Variants in PRKN observed in about 807,000 individuals in gnomAD.
The protein encoded by PRKN is parkin RBR E3 ubiquitin protein ligase.
Under a neutral mutation model 59.5 loss-of-function variants are expected in PRKN, and 56 were observed. The observed-to-expected ratio is 0.94, with a 90% confidence interval of 0.76 to 1.18. The LOEUF (loss-of-function observed/expected upper bound fraction) is 1.18. Ranked by LOEUF, PRKN falls within the 50% of genes most tolerant of loss-of-function variation. The pLI is 0.00. For synonymous variants in PRKN, 250 were observed against 222.1 expected (o/e 1.13, Z -1.12); for missense variants, 657 against 596.4 (o/e 1.10, Z -1.06).
In PRKN at chr6:161,419,944, A is replaced by G. The variant is rs1788013833; in HGVS notation, c.1084-33067T>C. On this transcript the variant is annotated intron_variant, in intron 9 of 11. Coordinates refer to ENST00000366898, the MANE Select transcript of PRKN (RefSeq NM_004562.3). This position sits in a 1 kb window ranked among gnomAD's most constrained non-coding sequence, Gnocchi z 4.1. ...CCTGGCACGTAAAAGGCACTTGTTT[A>G]AGAACTTGATAAGGCTGGGCGTGGT... Among the ~76,000 whole-genome samples the G allele has an allele frequency of 6.6e-6, 1 of 152,046 alleles. No individual in the cohort carries two copies. The highest frequency in any genetic ancestry group is 2.1e-4 in the South Asian group (1 of 4,824).
intron 6 of PRKN, among the ~76,000 whole-genome samples, chr6:161,870,292 A>G (rs948202111): frequency 6.6e-6 from 1 of 152,156 alleles, no homozygotes; most frequent in East Asian, 1.9e-4. Flanking sequence ...AGCTCAGCAC[A>G]TACTCTATTA....
At chr6:162,377,652 T>C (rs941897381) in intron 2 of PRKN, among the ~76,000 whole-genome samples, 2 of 152,132 alleles carry the variant, frequency 1.3e-5, no homozygotes, top group Admixed American at 1.3e-4. Context: ...GCCATGGCCA[T>C]GGAAAGACTG....
At position 161,475,579 on chromosome 6, in the gene PRKN, C is replaced by A. The variant is rs557644157; in HGVS notation, c.1083+73275G>T. Among the ~76,000 whole-genome samples the A allele has an allele frequency of 1.3e-5, 2 of 152,094 alleles. No homozygotes were observed. The highest frequency in any genetic ancestry group is 4.8e-5 in the African/African-American group (2 of 41,416). ...AGTGCCGCGGTGCAATACAACTTGC[C>A]GCAGTCTTGACCTCCTGGGCTCAAG... On this transcript the variant is annotated intron_variant, in intron 9 of 11. Coordinates refer to ENST00000366898, the MANE Select transcript of PRKN (RefSeq NM_004562.3). The surrounding 1 kb of genome is among the most constrained non-coding windows in gnomAD (Gnocchi z 5.3).
intron 9 of PRKN, among the ~76,000 whole-genome samples, chr6:161,531,163 C>T (rs569310013): frequency 1.8e-4 from 27 of 151,968 alleles, no homozygotes; most frequent in Middle Eastern, 3.4e-3. Context: ...GGGCAGATCA[C>T]GAGGTCAGGA....
chr6:162,252,750 T>C (rs978490313), intron 3 of PRKN, among the ~76,000 whole-genome samples: 2 of 152,248 alleles, frequency 1.3e-5, no homozygotes, highest in Non-Finnish European at 2.9e-5. Context: ...AAGAAATAAA[T>C]ATCTGTTGCT....
chr6:162,581,587 C>T (rs1358320754), intron 1 of PRKN, among the ~76,000 whole-genome samples: 1 of 152,182 alleles, frequency 6.6e-6, no homozygotes, highest in African/African-American at 2.4e-5. Context: ...ATGGCAAAAT[C>T]CCGTCTCTAC....
At chr6:161,892,258 A>C (rs976013780) in intron 6 of PRKN, among the ~76,000 whole-genome samples, 4 of 151,858 alleles carry the variant, frequency 2.6e-5, no homozygotes, top group African/African-American at 9.7e-5. Flanking sequence ...AATGTGGTAA[A>C]ACCCTGCCTC....
chr6:162,126,043 G>C (rs1781110653), intron 4 of PRKN, among the ~76,000 whole-genome samples: 1 of 152,148 alleles, frequency 6.6e-6, no homozygotes, highest in Admixed American at 6.5e-5. Flanking sequence ...ATGTCTAACA[G>C]ATCAACTCCA....
chr6:162,060,694 T>C (rs1325358218), intron 4 of PRKN, among the ~76,000 whole-genome samples: 1 of 152,226 alleles, frequency 6.6e-6, no homozygotes, highest in Non-Finnish European at 1.5e-5. Context: ...TCTTGAGTTA[T>C]CTAAATAAAT....
intron 5 of PRKN, among the ~76,000 whole-genome samples, chr6:161,987,053 C>T (rs373060242): frequency 1.1e-4 from 17 of 152,234 alleles, no homozygotes; most frequent in African/African-American, 3.6e-4. Flanking sequence ...TCTTTTTATT[C>T]GTGTCTTCTT....
intron 1 of PRKN, among the ~76,000 whole-genome samples, chr6:162,580,790 G>A (rs73595906): frequency 0.021 from 3,127 of 152,244 alleles, 107 homozygotes; most frequent in African/African-American, 0.07. Flanking sequence ...GTTCTCAGCA[G>A]GCTGATCAAT....
chr6:161,943,859 AAGCAGCCTGAGG>A (rs1562407195), intron 6 of PRKN, among the ~76,000 whole-genome samples: 1 of 47,548 alleles, frequency 2.1e-5, no homozygotes, highest in Non-Finnish European at 4.9e-5. Context: ...CAGCCTGAGG[AAGCAGCCTGAGG>A]AAGCAGCCTG....
At chr6:162,055,856 G>C (rs907051246) in intron 4 of PRKN, among the ~76,000 whole-genome samples, 4 of 152,044 alleles carry the variant, frequency 2.6e-5, no homozygotes, top group Non-Finnish European at 5.9e-5. Context: ...AATGCCGTGG[G>C]AGGTGGGCAG....
rs749732059 is a variant in PRKN at position 161,476,266 on chromosome 6, T to TCTAGTAC, written c.1083+72587_1083+72588insGTACTAG. On this transcript the variant is annotated intron_variant, in intron 9 of 11. Transcript: ENST00000366898. Reference sequence around the variant, plus strand: ...AAATGGATCTCTAGTACAAAATGGCTAAAACTCTTTCCCAGGAGTGTGAGA... The same window carrying TCTAGTAC: ...AAATGGATCTCTAGTACAAAATGGCTCTAGTACAAAACTCTTTCCCAGGAGTGTGAGA... Among the ~76,000 whole-genome samples the TCTAGTAC allele has an allele frequency of 5.1e-3, 783 of 152,136 alleles. 3 individuals are homozygous for TCTAGTAC. Among genetic ancestry groups the TCTAGTAC allele is most frequent in the Non-Finnish European group, 6.4e-3 (435 of 68,004 alleles).
At chr6:161,834,485 A>G (rs954338082) in intron 6 of PRKN, among the ~76,000 whole-genome samples, 6 of 152,206 alleles carry the variant, frequency 3.9e-5, no homozygotes, top group Non-Finnish European at 7.3e-5. Context: ...GTTCTTATCC[A>G]TAACTTGTTT....
chr6:161,973,043 A>G (rs188506655), intron 6 of PRKN, among the ~76,000 whole-genome samples: 16 of 152,348 alleles, frequency 1.1e-4, no homozygotes, highest in Admixed American at 2.0e-4. Flanking sequence ...TATTTTAGAT[A>G]TGCCATCTCC....
intron 6 of PRKN, among the ~76,000 whole-genome samples, chr6:161,794,732 C>G (rs1790769488): frequency 6.6e-6 from 1 of 152,180 alleles, no homozygotes; most frequent in Non-Finnish European, 1.5e-5. Context: ...GACTCCTCCT[C>G]TTAGTCCTTA....
chr6:162,419,912 A>G (rs546164376), intron 2 of PRKN, among the ~76,000 whole-genome samples: 2 of 152,200 alleles, frequency 1.3e-5, no homozygotes, highest in Non-Finnish European at 2.9e-5. Context: ...CTGATTTGGG[A>G]AAATTTTAGA....
At position 161,882,730 on chromosome 6, in the gene PRKN, G is replaced by A. The variant is rs183754935; in HGVS notation, c.734+90572C>T. Among the ~76,000 whole-genome samples, 5 of 152,264 alleles carry A rather than the reference G, an allele frequency of 3.3e-5. No homozygotes were observed. In the East Asian group the frequency reaches 9.6e-4, roughly 29 times the overall value. ...TTAAGATACAACTCCACGGCTGGGC[G>A]CGGTGGCTCACGCTTGTAATCCCAG... On this transcript the variant is annotated intron_variant, in intron 6 of 11. Coordinates refer to ENST00000366898, the MANE Select transcript of PRKN (RefSeq NM_004562.3).
Sources: allele counts gnomAD v4.1 joint callset (sites outside exome capture counted in the v4.1 genomes callset), GRCh38; gene constraint gnomAD v4.1.1; non-coding constraint Gnocchi (gnomAD v3.1); transcripts MANE v1.5; gene names NCBI Gene and HGNC (gene_info 2026-07-23, HGNC 2026-07-21).